SLIT3: variants seen among roughly 807,000 people sequenced by gnomAD.
SLIT3 encodes slit guidance ligand 3, also known as slit homolog 3 protein.
Under a neutral mutation model 184.0 loss-of-function variants are expected in SLIT3, and 68 were observed. The observed-to-expected ratio is 0.37, with a 90% CI of 0.30 to 0.45. The LOEUF (loss-of-function observed/expected upper bound fraction) is 0.45. Among genes scored for constraint, SLIT3 ranks in the 20% least tolerant of loss-of-function variants. SLIT3 has a pLI of 1.00. For synonymous variants in SLIT3, 831 were observed against 828.6 expected (o/e 1.00, Z -0.05); for missense variants, 1,707 against 2,026.0 (o/e 0.84, Z 3.02).
At chr5:168,947,344 G>A (rs2113226747) in intron 4 of SLIT3, among the ~76,000 whole-genome samples, 1 of 152,240 alleles carries the variant, frequency 6.6e-6, no homozygotes, top group Admixed American at 6.5e-5. Flanking sequence ...CTGCACTCTG[G>A]GATGTTCCCT....
intron 3 of SLIT3, among the ~76,000 whole-genome samples, chr5:169,239,016 A>AT (rs1164186078): frequency 6.6e-6 from 1 of 152,162 alleles, no homozygotes; most frequent in East Asian, 1.9e-4. Context: ...CACAGATGAG[A>AT]TACCACAACA....
At chr5:169,147,828 A>T (rs1384345875) in intron 4 of SLIT3, among the ~76,000 whole-genome samples, 1 of 152,070 alleles carries the variant, frequency 6.6e-6, no homozygotes, top group Non-Finnish European at 1.5e-5. Context: ...CTAAGAAGTA[A>T]AACCCTCCTG....
intron 4 of SLIT3, among the ~76,000 whole-genome samples, chr5:169,104,833 C>T (rs1030284208): frequency 6.6e-6 from 1 of 152,182 alleles, no homozygotes; most frequent in Non-Finnish European, 1.5e-5. Context: ...AAGAAAACCA[C>T]AGAGATTTAT....
chr5:169,005,274 A>G (rs572424602), intron 4 of SLIT3, among the ~76,000 whole-genome samples: 3 of 152,322 alleles, frequency 2.0e-5, no homozygotes, highest in Admixed American at 1.3e-4. Flanking sequence ...GGAACCCATA[A>G]TATCCCCCAG....
intron 3 of SLIT3, among the ~76,000 whole-genome samples, chr5:169,220,832 T>C (rs1260212845): frequency 3.9e-5 from 6 of 152,200 alleles, no homozygotes. Flanking sequence ...CAAAGCTTGG[T>C]GCAGGTGTCA....
chr5:169,146,384 C>G (rs1020488926), intron 4 of SLIT3, among the ~76,000 whole-genome samples: 3 of 152,222 alleles, frequency 2.0e-5, no homozygotes, highest in Non-Finnish European at 4.4e-5. Flanking sequence ...TTTTCTCTTT[C>G]AAACGAGGGA....
In SLIT3 at chr5:168,883,688, A is replaced by T. The variant is rs546162690; in HGVS notation, c.414-352T>A. On this transcript the variant is annotated intron_variant, in intron 4 of 35. Transcript: ENST00000519560. ...ACAACCCCCTGCCCCCCATCCCCCC[A>T]ACCCCCACACGGCATTCCTCCCCCA... 7.3e-4 allele frequency among the ~76,000 whole-genome samples: 24 copies of T among 32,734 alleles called. 1 individual carries two copies. The highest frequency in any genetic ancestry group is 1.6e-3 in the Non-Finnish European group (23 of 14,830). The allele number at this position is 32,734 out of a possible 152,430, so 21.5% of individuals were successfully genotyped here.
chr5:168,706,921 G>A (rs1380616966), intron 26 of SLIT3: 3 of 152,280 alleles, frequency 2.0e-5, no homozygotes, highest in Admixed American at 6.5e-5. Flanking sequence ...TGCATCAGAT[G>A]TGTGCATTAG....
intron 7 of SLIT3, among the ~76,000 whole-genome samples, chr5:168,822,885 G>A (rs981371704): frequency 1.3e-5 from 2 of 152,282 alleles, no homozygotes; most frequent in South Asian, 4.1e-4. Flanking sequence ...GATGTTACGT[G>A]ACATTAGCTA....
intron 4 of SLIT3, among the ~76,000 whole-genome samples, chr5:168,966,079 A>AT (rs936927686): frequency 3.3e-5 from 5 of 152,350 alleles, no homozygotes; most frequent in African/African-American, 1.2e-4. Flanking sequence ...ACGATTGTGA[A>AT]TTTTATTACC....
intron 10 of SLIT3, chr5:168,790,877 C>T (rs1456261754): frequency 6.6e-6 from 1 of 152,312 alleles, no homozygotes; most frequent in African/African-American, 2.4e-5. Context: ...CATGCCACAA[C>T]CTTTGCTGAG....
chr5:168,697,414 T>C (rs779083005), intron 27 of SLIT3, among the ~76,000 whole-genome samples: 7 of 152,200 alleles, frequency 4.6e-5, no homozygotes, highest in South Asian at 2.1e-4. Flanking sequence ...ATAAAGGCCA[T>C]GCGGAAGGGA....
chr5:168,870,362 C>A (rs1355873961), intron 5 of SLIT3, among the ~76,000 whole-genome samples: 1 of 152,198 alleles, frequency 6.6e-6, no homozygotes, highest in Non-Finnish European at 1.5e-5. Context: ...CCTAACCAGT[C>A]CCAAGGATAT....
intron 1 of SLIT3, among the ~76,000 whole-genome samples, chr5:169,270,298 C>A (rs936129676): frequency 6.6e-6 from 1 of 152,186 alleles, no homozygotes; most frequent in Non-Finnish European, 1.5e-5. Flanking sequence ...AAATACATCA[C>A]GCTCCATATC....
chr5:169,248,967 C>A (rs915403035), intron 2 of SLIT3, among the ~76,000 whole-genome samples: 2 of 152,098 alleles, frequency 1.3e-5, no homozygotes, highest in African/African-American at 4.8e-5. Flanking sequence ...AACAGTTTGA[C>A]ACAGAAACTG....
intron 14 of SLIT3, among the ~76,000 whole-genome samples, chr5:168,766,314 G>T (rs1190202513): frequency 6.6e-6 from 1 of 152,236 alleles, no homozygotes; most frequent in Admixed American, 6.5e-5. Context: ...AGAGGAATTG[G>T]GGGGAGCGTA....
intron 4 of SLIT3, among the ~76,000 whole-genome samples, chr5:169,145,981 G>A (rs1328071180): frequency 1.3e-5 from 2 of 152,084 alleles, no homozygotes; most frequent in Admixed American, 6.5e-5. Context: ...AACCCAGGAG[G>A]TGGAGGCTGC....
chr5:169,039,872 C>G (rs942405838), intron 4 of SLIT3, among the ~76,000 whole-genome samples: 1 of 152,210 alleles, frequency 6.6e-6, no homozygotes, highest in Non-Finnish European at 1.5e-5. Context: ...CTACCTAATG[C>G]AAGCGCCTCA....
At chr5:169,000,483 C>A (rs1208338255) in intron 4 of SLIT3, among the ~76,000 whole-genome samples, 1 of 150,242 alleles carries the variant, frequency 6.7e-6, no homozygotes, top group African/African-American at 2.5e-5. Context: ...AACGCTTAAG[C>A]CTACAATGAA....
Sources: allele counts gnomAD v4.1 joint callset (sites outside exome capture counted in the v4.1 genomes callset), GRCh38; gene constraint gnomAD v4.1.1; transcripts MANE v1.5; gene names NCBI Gene and HGNC (gene_info 2026-07-23, HGNC 2026-07-21).